Variants in MACROD2 observed in about 807,000 individuals in gnomAD.
MACROD2 encodes the protein ADP-ribose glycohydrolase MACROD2.
In MACROD2, 36 loss-of-function variants were observed where a neutral mutation model predicts 70.4. That is an observed-to-expected ratio of 0.51 (90% CI 0.39 to 0.68). The LOEUF (loss-of-function observed/expected upper bound fraction) is 0.68. Ranked by LOEUF, MACROD2 falls within the 30% of genes least tolerant of loss-of-function variation. The pLI is 0.00. For missense variants in MACROD2, 496 were observed against 538.4 expected (o/e 0.92, Z 0.78); for synonymous variants, 172 against 178.8 (o/e 0.96, Z 0.30).
intron 4 of MACROD2, among the ~76,000 whole-genome samples, chr20:14,495,507 A>C (rs1310493082): frequency 6.6e-6 from 1 of 152,184 alleles, no homozygotes; most frequent in East Asian, 1.9e-4. Flanking sequence ...GAAGCAATGC[A>C]CTCATCAGAA....
chr20:15,583,542 C>T (rs964312166), intron 8 of MACROD2, among the ~76,000 whole-genome samples: 3 of 152,216 alleles, frequency 2.0e-5, no homozygotes, highest in Admixed American at 1.3e-4. Flanking sequence ...TTCTTGCAGA[C>T]AAGCCTTTAT....
At chr20:13,999,848 T>C (rs2052708837) in intron 1 of MACROD2, among the ~76,000 whole-genome samples, 1 of 152,330 alleles carries the variant, frequency 6.6e-6, no homozygotes, top group Admixed American at 6.5e-5. Context: ...TCACTTTTTC[T>C]GACCTTCCTG....
At chr20:15,018,138 A>G (rs1022995623) in intron 5 of MACROD2, among the ~76,000 whole-genome samples, 5 of 152,158 alleles carry the variant, frequency 3.3e-5, no homozygotes, top group African/African-American at 9.7e-5. Flanking sequence ...CTTCCCTTAT[A>G]AAACTGAATG....
At chr20:15,170,880 C>T (rs1305511323) in intron 5 of MACROD2, among the ~76,000 whole-genome samples, 2 of 152,210 alleles carry the variant, frequency 1.3e-5, no homozygotes, top group African/African-American at 4.8e-5. Flanking sequence ...AACACCTAGA[C>T]ACCAACCCAC....
At chr20:15,808,496 A>T (rs2063789484) in intron 8 of MACROD2, among the ~76,000 whole-genome samples, 1 of 152,144 alleles carries the variant, frequency 6.6e-6, no homozygotes, top group Admixed American at 6.5e-5. Context: ...AATGATTAAG[A>T]AGGTATTTAT....
chr20:14,679,535 C>T (rs2070904402), intron 4 of MACROD2, among the ~76,000 whole-genome samples: 1 of 152,132 alleles, frequency 6.6e-6, no homozygotes, highest in South Asian at 2.1e-4. Flanking sequence ...GAACAACAAA[C>T]ATGACTTTAA....
rs370683595 is a variant in MACROD2 at position 15,915,870 on chromosome 20, A to C, written c.776-17406A>C. On this transcript the variant is annotated intron_variant, in intron 10 of 17. Coordinates refer to ENST00000684519, the MANE Select transcript of MACROD2 (RefSeq NM_001351661.2). ...TGAAGAGTTTGACTTGCCAGAGCTA[A>C]TTCTTTGTAGGCAATATTAGGGTTT... 4.6e-5 allele frequency among the ~76,000 whole-genome samples: 7 copies of C among 152,236 alleles called. No individual in the cohort carries two copies. In the East Asian group the frequency reaches 1.4e-3, roughly 29 times the overall value.
intron 3 of MACROD2, among the ~76,000 whole-genome samples, chr20:14,369,408 G>A (rs116373801): frequency 0.019 from 2,889 of 152,300 alleles, 56 homozygotes; most frequent in African/African-American, 0.049. Context: ...GAGAGTTGGA[G>A]CAGGGGCAAA....
chr20:14,467,959 A>G (rs1479200653), intron 3 of MACROD2, among the ~76,000 whole-genome samples: 1 of 152,078 alleles, frequency 6.6e-6, no homozygotes, highest in East Asian at 1.9e-4. Context: ...ATTTGATTGC[A>G]CTGTGGTCTG....
intron 4 of MACROD2, among the ~76,000 whole-genome samples, chr20:14,521,899 A>C (rs1456444841): frequency 6.6e-6 from 1 of 152,204 alleles, no homozygotes; most frequent in African/African-American, 2.4e-5. Flanking sequence ...TCATTTCAGC[A>C]ATATGAGTTG....
intron 5 of MACROD2, among the ~76,000 whole-genome samples, chr20:14,795,759 G>T (rs1462283437): frequency 6.6e-6 from 1 of 152,016 alleles, no homozygotes; most frequent in Non-Finnish European, 1.5e-5. Context: ...CTTGCAGAGA[G>T]AATCTGCATA....
At position 15,072,440 on chromosome 20, in the gene MACROD2, A is replaced by G. The variant is rs746979620; in HGVS notation, c.419-157500A>G. Among the ~76,000 whole-genome samples, 81 of 152,324 alleles carry G rather than the reference A, an allele frequency of 5.3e-4. 1 individual carries two copies. The highest frequency in any genetic ancestry group is 1.0e-3 in the Admixed American group (16 of 15,296). Reference sequence around the variant, plus strand: ...ATGATGGCAAGAATAAGAATATTTAACCTTTGGGTGAACCAAATGAATAAA... The same window carrying G: ...ATGATGGCAAGAATAAGAATATTTAGCCTTTGGGTGAACCAAATGAATAAA... On this transcript the variant is annotated intron_variant, in intron 5 of 17. Coordinates refer to ENST00000684519, the MANE Select transcript of MACROD2 (RefSeq NM_001351661.2).
intron 10 of MACROD2, among the ~76,000 whole-genome samples, chr20:15,912,497 G>A (rs1431330592): frequency 5.3e-5 from 8 of 152,216 alleles, no homozygotes; most frequent in Admixed American, 5.2e-4. Flanking sequence ...ACCTGATTTT[G>A]AGATTCAGAC....
At chr20:14,300,226 CAG>C (rs1235522006) in intron 3 of MACROD2, among the ~76,000 whole-genome samples, 1 of 152,310 alleles carries the variant, frequency 6.6e-6, no homozygotes, top group South Asian at 2.1e-4. Context: ...ATCGCTACCT[CAG>C]AGATTTTATT....
intron 8 of MACROD2, among the ~76,000 whole-genome samples, chr20:15,610,395 C>T (rs2048950660): frequency 6.6e-6 from 1 of 152,178 alleles, no homozygotes; most frequent in African/African-American, 2.4e-5. Flanking sequence ...TGCTTCTCTT[C>T]TAGCTTCTGA....
chr20:15,642,947 G>A (rs1183493740), intron 8 of MACROD2, among the ~76,000 whole-genome samples: 1 of 152,066 alleles, frequency 6.6e-6, no homozygotes, highest in African/African-American at 2.4e-5. Context: ...ATTCAACCAC[G>A]CATGGGCCCT....
chr20:15,439,077 AC>A (rs2046462747), intron 7 of MACROD2, among the ~76,000 whole-genome samples: 1 of 152,208 alleles, frequency 6.6e-6, no homozygotes, highest in African/African-American at 2.4e-5. Flanking sequence ...AGAGAGCCAA[AC>A]TAAATACAGC....
intron 15 of MACROD2, among the ~76,000 whole-genome samples, chr20:16,012,697 C>G (rs2066879190): frequency 6.6e-6 from 1 of 152,114 alleles, no homozygotes; most frequent in Non-Finnish European, 1.5e-5. Flanking sequence ...TTAGTTTTAA[C>G]ATTTAGGATA....
intron 3 of MACROD2, among the ~76,000 whole-genome samples, chr20:14,481,744 A>G (rs1051206733): frequency 1.3e-5 from 2 of 152,342 alleles, no homozygotes; most frequent in African/African-American, 4.8e-5. Flanking sequence ...ATAGTTACTT[A>G]CCAGCCCATG....
Sources: gnomAD v4.1 joint callset for allele counts (sites outside exome capture counted in the v4.1 genomes callset) on GRCh38, gnomAD v4.1.1 for gene constraint, MANE v1.5 for transcripts, NCBI Gene and HGNC (gene_info 2026-07-23, HGNC 2026-07-21) for gene names.